Variants in CFHR2 observed in about 807,000 individuals in gnomAD.
CFHR2 encodes the protein complement factor H-related protein 2.
CFHR2 carries 22 observed loss-of-function variants against 21.7 expected under a neutral mutation model. The observed-to-expected ratio is 1.01, with a 90% CI of 0.72 to 1.45. The LOEUF (loss-of-function observed/expected upper bound fraction) is 1.45. Among genes scored for constraint, CFHR2 ranks in the 40% most tolerant of loss-of-function variants. The pLI is 0.00. For missense variants in CFHR2, 294 were observed against 293.3 expected, an observed-to-expected ratio of 1.00 and a Z score of -0.02; for synonymous variants, 98 against 97.4, an observed-to-expected ratio of 1.01 and a Z score of -0.04.
intron 1 of CFHR2, among the ~76,000 whole-genome samples, chr1:196,945,819 C>A (rs553835062): frequency 6.7e-6 from 1 of 150,338 alleles, no homozygotes; most frequent in Non-Finnish European, 1.5e-5. Context: ...AACAGTCATG[C>A]ATCACTTAAT....
Position 196,949,490 on chromosome 1 carries a change from A to C in CFHR2, c.94A>C (p.Ile32Leu). The C allele has an allele frequency of 1.2e-6, 2 of 1,613,788 alleles. No individual in the cohort carries two copies. The highest frequency in any genetic ancestry group is 1.7e-6 in the Non-Finnish European group (2 of 1,179,858). The change falls in exon 2 of 5, where the codon ATT (isoleucine) becomes CTT (leucine). Residue 32 changes from isoleucine (I) to leucine (L), a missense_variant. Coordinates refer to ENST00000367415, the MANE Select transcript of CFHR2 (RefSeq NM_005666.4). The stretch of plus-strand genomic sequence containing the variant: ...TGATTTTCCAAAAATAAACCATGGA[A>C]TTCTATATGATGAAGAAAAATATAA... Reference protein sequence around the residue: ...FCDFPKINHGILYDEEKYKPF... With the variant: ...FCDFPKINHGLLYDEEKYKPF...
intron 3 of CFHR2, among the ~76,000 whole-genome samples, chr1:196,954,841 C>CA (rs1036880397): frequency 6.6e-6 from 1 of 152,192 alleles, no homozygotes; most frequent in Non-Finnish European, 1.5e-5. Context: ...AGCAGGGTAC[C>CA]AGGTCGTGAG....
chr1:196,945,138 A>C (rs1205913365), intron 1 of CFHR2, among the ~76,000 whole-genome samples: 1 of 144,528 alleles, frequency 6.9e-6, no homozygotes, highest in Admixed American at 7.0e-5. Context: ...GGCCTCCCAC[A>C]GTGTTGGGAT....
At position 196,949,668 on chromosome 1, in the gene CFHR2, C is replaced by A. The variant is rs759652921; in HGVS notation, c.253+19C>A. 6 of 1,612,704 alleles carry A rather than the reference C, an allele frequency of 3.7e-6. No individual in the cohort carries two copies. The Admixed American group carries it at 1.0e-4, about 27-fold the overall frequency. On this transcript the variant is annotated intron_variant, in intron 2 of 4. Transcript: ENST00000367415. ...TGTCTCAGTGAGTAAATGCCCTGTT[C>A]ATTAAATGGATGTCATTCAATGAAC...
Position 196,958,948 on chromosome 1 carries a change from A to G in CFHR2, c.681A>G (p.Gln227=). 6.2e-7 allele frequency: 1 copy of G among 1,606,730 alleles called. No individual in the cohort carries two copies. The highest frequency in any genetic ancestry group is 1.1e-5 in the South Asian group (1 of 90,704). ...TAAAATTAAAGTGGACAAACCAACA[A>G]AAGCTTTATTCAAGAACAGGTGACA... ...YNIKLKWTNQ[Q]KLYSRTGDIV... The change falls in exon 5 of 5, where the codon CAA becomes CAG. Residue 227 remains glutamine, a synonymous_variant. Coordinates refer to ENST00000367415, the MANE Select transcript of CFHR2 (RefSeq NM_005666.4).
intron 4 of CFHR2, among the ~76,000 whole-genome samples, chr1:196,958,297 T>C (rs1279947568): frequency 6.6e-6 from 1 of 152,028 alleles, no homozygotes; most frequent in East Asian, 1.9e-4. Flanking sequence ...TACATATTTA[T>C]TTTCTACAAC....
intron 2 of CFHR2, among the ~76,000 whole-genome samples, chr1:196,950,371 CA>C (rs1486344839): frequency 6.6e-6 from 1 of 152,148 alleles, no homozygotes; most frequent in Non-Finnish European, 1.5e-5. Context: ...AAATATATTT[CA>C]TCATATATAT....
intron 1 of CFHR2, among the ~76,000 whole-genome samples, chr1:196,948,200 T>C (rs1659587745): frequency 6.6e-6 from 1 of 152,164 alleles, no homozygotes; most frequent in South Asian, 2.1e-4. Flanking sequence ...TCCAAGGATA[T>C]GCAAGTCTCT....
At chr1:196,954,729 G>T (rs1388171372) in intron 3 of CFHR2, among the ~76,000 whole-genome samples, 1 of 152,184 alleles carries the variant, frequency 6.6e-6, no homozygotes, top group African/African-American at 2.4e-5. Context: ...ACAACACCAT[G>T]TGGAAGCTGC....
chr1:196,956,095 C>A (rs941096113), intron 3 of CFHR2, among the ~76,000 whole-genome samples: 1 of 152,120 alleles, frequency 6.6e-6, no homozygotes, highest in African/African-American at 2.4e-5. Context: ...CAACCACCCC[C>A]CACCAGGTCT....
chr1:196,959,597 A>G lies in CFHR2; in HGVS notation c.*517A>G, dbSNP rs1409685923. Among the ~76,000 whole-genome samples, 1 of 152,112 alleles carries G rather than the reference A, an allele frequency of 6.6e-6. No individual in the cohort carries two copies. The highest frequency in any genetic ancestry group is 6.6e-5 in the Admixed American group (1 of 15,264). ...TTGCCTTCTTTCAGAGCTTGTAACT[A>G]TGTATATCCACATAAATAATCAAAA... is the stretch of plus-strand genomic sequence containing the variant. On this transcript the variant is annotated 3_prime_UTR_variant, in exon 5 of 5. Coordinates refer to ENST00000367415, the MANE Select transcript of CFHR2 (RefSeq NM_005666.4).
chr1:196,957,345 C>CTTTTTTTTTTTTTTTTTCTT (rs5779854), intron 3 of CFHR2, among the ~76,000 whole-genome samples: 1 of 140,072 alleles, frequency 7.1e-6, no homozygotes, highest in Non-Finnish European at 1.5e-5. Flanking sequence ...TGTTCTTTTC[C>CTTTTTTTTTTTTTTTTTCTT]TTTTTTTTTT....
chr1:196,951,967 G>A (rs900398836), intron 3 of CFHR2, among the ~76,000 whole-genome samples: 9 of 152,248 alleles, frequency 5.9e-5, no homozygotes, highest in African/African-American at 2.2e-4. Flanking sequence ...CAGTGTTCTT[G>A]AAATATATTT....
intron 4 of CFHR2, 21 bp downstream of exon 4, chr1:196,958,094 A>T: frequency 6.3e-7 from 1 of 1,599,232 alleles, no homozygotes; most frequent in Non-Finnish European, 8.6e-7. Context: ...TAATATTCTC[A>T]TGGATTCTGG....
rs1311981405 is a variant in CFHR2 at position 196,953,182 on chromosome 1, T to A, written c.430+2154T>A. Among the ~76,000 whole-genome samples the A allele has an allele frequency of 2.6e-5, 4 of 152,338 alleles. No homozygotes were observed. In the East Asian group the frequency reaches 7.7e-4, roughly 29 times the overall value. On this transcript the variant is annotated intron_variant, in intron 3 of 4. Coordinates refer to ENST00000367415, the MANE Select transcript of CFHR2 (RefSeq NM_005666.4). ...AATCTCTGGGGGCTGTTATTCCGTT[T>A]ACAACACCATGCAATAACCTTATAT...
chr1:196,955,480 C>T (rs1403618412), intron 3 of CFHR2, among the ~76,000 whole-genome samples: 1 of 152,144 alleles, frequency 6.6e-6, no homozygotes, highest in Non-Finnish European at 1.5e-5. Flanking sequence ...TAGCAGTGCC[C>T]CCTGTACCAA....
At chr1:196,946,760 G>C (rs1659508809) in intron 1 of CFHR2, among the ~76,000 whole-genome samples, 1 of 152,102 alleles carries the variant, frequency 6.6e-6, no homozygotes, top group African/African-American at 2.4e-5. Flanking sequence ...TCTGCCTCAG[G>C]AAACATTAAC....
chr1:196,955,643 ATT>A (rs1189242807), intron 3 of CFHR2, among the ~76,000 whole-genome samples: 1 of 152,084 alleles, frequency 6.6e-6, no homozygotes, highest in Non-Finnish European at 1.5e-5. Flanking sequence ...GAGGTCAGGA[ATT>A]TGGGACTAGC....
At chr1:196,950,066 C>A (rs1268576748) in intron 2 of CFHR2, among the ~76,000 whole-genome samples, 3 of 152,062 alleles carry the variant, frequency 2.0e-5, no homozygotes, top group African/African-American at 7.2e-5. Flanking sequence ...TAAATAATTT[C>A]TTTGGTCCTT....
Sources: gnomAD v4.1 joint callset for allele counts (sites outside exome capture counted in the v4.1 genomes callset) on GRCh38, gnomAD v4.1.1 for gene constraint, MANE v1.5 for transcripts, NCBI Gene and HGNC (gene_info 2026-07-23, HGNC 2026-07-21) for gene names.